The following CHN2 variants were observed in gnomAD, a reference collection of about 807,000 sequenced individuals.
CHN2 encodes the protein chimerin 2, also known as beta-chimaerin.
Under a neutral mutation model 56.3 loss-of-function variants are expected in CHN2, and 35 were observed. That is an observed-to-expected ratio of 0.62 (90% confidence interval 0.47 to 0.82). The LOEUF is 0.82. Among genes scored for constraint, CHN2 ranks in the 40% least tolerant of loss-of-function variants. CHN2 has a pLI of 0.00. For missense variants in CHN2, 491 were observed against 580.5 expected (o/e 0.85, Z 1.58); for synonymous variants, 210 against 212.8 (o/e 0.99, Z 0.12).
chr7:29,445,701 T>C (rs1049694091), intron 6 of CHN2, among the ~76,000 whole-genome samples: 2 of 152,172 alleles, frequency 1.3e-5, no homozygotes, highest in African/African-American at 4.8e-5. Context: ...GTTCTTGTTT[T>C]TTTTTCTTGT....
intron 7 of CHN2, among the ~76,000 whole-genome samples, chr7:29,493,540 C>T (rs868359728): frequency 7.2e-5 from 11 of 152,050 alleles, no homozygotes; most frequent in African/African-American, 2.4e-4. Flanking sequence ...AGCATTTAAC[C>T]CTAACCCATC....
chr7:29,306,681 G>A (rs1794196322), intron 1 of CHN2, among the ~76,000 whole-genome samples: 1 of 152,224 alleles, frequency 6.6e-6, no homozygotes, highest in African/African-American at 2.4e-5. Context: ...GATTTTTCAA[G>A]TGTATTGTTT....
chr7:29,427,108 G>A (rs1459915813), intron 6 of CHN2, among the ~76,000 whole-genome samples: 4 of 152,086 alleles, frequency 2.6e-5, no homozygotes, highest in Admixed American at 6.5e-5. Flanking sequence ...ACTTGAGGTC[G>A]GGAGTTCGAG....
intron 1 of CHN2, among the ~76,000 whole-genome samples, chr7:29,298,457 CCTT>C (rs772897607): frequency 6.6e-6 from 1 of 152,150 alleles, no homozygotes; most frequent in Non-Finnish European, 1.5e-5. Flanking sequence ...GGAACTTAGT[CCTT>C]CTCCAACAAG....
rs1239169767 is a variant in CHN2 at position 29,214,081 on chromosome 7, A to G, written c.49+19091A>G. Among the ~76,000 whole-genome samples the G allele has an allele frequency of 3.9e-5, 6 of 152,216 alleles. No individual in the cohort carries two copies. In the East Asian group the frequency reaches 5.8e-4, roughly 15 times the overall value. ...AAAGATGGTGTTTCTGGATGCTGCT[A>G]AAGCCCCCTGGTAAATAAATACTTT... On this transcript the variant is annotated intron_variant, in intron 1 of 12. Coordinates refer to ENST00000222792, the MANE Select transcript of CHN2 (RefSeq NM_004067.4).
At chr7:29,226,714 A>G (rs1044052530) in intron 1 of CHN2, among the ~76,000 whole-genome samples, 2 of 152,244 alleles carry the variant, frequency 1.3e-5, no homozygotes, top group East Asian at 3.8e-4. Flanking sequence ...TTCCTCTGGA[A>G]TTATCCTGGT....
chr7:29,244,207 C>T (rs1787897711), intron 1 of CHN2, among the ~76,000 whole-genome samples: 1 of 152,150 alleles, frequency 6.6e-6, no homozygotes, highest in Non-Finnish European at 1.5e-5. Flanking sequence ...TGGGATTTCC[C>T]CTTCTGCTTT....
At chr7:29,300,024 G>A (rs1793527346) in intron 1 of CHN2, among the ~76,000 whole-genome samples, 1 of 152,184 alleles carries the variant, frequency 6.6e-6, no homozygotes, top group Non-Finnish European at 1.5e-5. Flanking sequence ...AATTAGACTG[G>A]GAAGAAAGAT....
At chr7:29,363,877 A>T (rs1002798319) in intron 2 of CHN2, among the ~76,000 whole-genome samples, 2 of 152,086 alleles carry the variant, frequency 1.3e-5, no homozygotes, top group African/African-American at 4.8e-5. Context: ...GGCATGGGAG[A>T]TATAAACCAG....
rs377314927 is a variant in CHN2, at chr7:29,446,085, ACT to A, written c.577-34191_577-34190del. 1.1e-4 allele frequency among the ~76,000 whole-genome samples: 16 copies of A among 152,182 alleles called. No homozygotes were observed. The East Asian group carries it at 1.9e-3, about 18-fold the overall frequency. On this transcript the variant is annotated intron_variant, in intron 6 of 12. Transcript: ENST00000222792. ...ATACCCCAGACCAATTACATCAGAA[ACT>A]CTGGGTAGGGAACAGAAACAATAGT...
Position 29,501,510 on chromosome 7 carries a change from A to G in CHN2, c.913+1470A>G, listed in dbSNP as rs1789963259. Among the ~76,000 whole-genome samples, 3 of 152,232 alleles carry G rather than the reference A, an allele frequency of 2.0e-5. No homozygotes were observed. In the South Asian group the frequency reaches 6.2e-4, roughly 32 times the overall value. On this transcript the variant is annotated intron_variant, in intron 9 of 12. Transcript: ENST00000222792. The stretch of plus-strand genomic sequence containing the variant: ...GGGTCCTCCCATTGTGATCCTTACC[A>G]AAGACAACTGATAATTCAGGCATGA...
intron 9 of CHN2, among the ~76,000 whole-genome samples, chr7:29,501,724 T>C (rs1275168756): frequency 6.6e-6 from 1 of 152,092 alleles, no homozygotes; most frequent in Non-Finnish European, 1.5e-5. Context: ...CGGGAGAAAT[T>C]TGTATGACAC....
intron 1 of CHN2, among the ~76,000 whole-genome samples, chr7:29,211,473 C>G (rs1177189556): frequency 6.6e-6 from 1 of 151,686 alleles, no homozygotes; most frequent in Non-Finnish European, 1.5e-5. Context: ...CACACACACA[C>G]ACACACACAC....
intron 1 of CHN2, among the ~76,000 whole-genome samples, chr7:29,236,876 C>T (rs1787232932): frequency 6.6e-6 from 1 of 152,164 alleles, no homozygotes; most frequent in Non-Finnish European, 1.5e-5. Flanking sequence ...ACTCCTGCCT[C>T]CCTTTTATAA....
chr7:29,283,188 C>T (rs1259937122), intron 1 of CHN2, among the ~76,000 whole-genome samples: 2 of 152,176 alleles, frequency 1.3e-5, no homozygotes, highest in Admixed American at 6.5e-5. Flanking sequence ...GCTTTCCTTA[C>T]GTGCTTACCT....
Position 29,499,882 on chromosome 7 carries a change from T to C in CHN2, c.755T>C (p.Val252Ala). The change falls in exon 9 of 13, where the codon GTA becomes GCA. Residue 252 changes from valine (V) to alanine (A), a missense_variant. Transcript: ENST00000222792. ...GVRCSDCGLN[V>A]HKQCSKHVPN... ...TTGTTTACAGACTGTGGATTGAACG[T>C]ACACAAACAGTGTTCCAAGCACGTT... 1 of 1,600,840 alleles carries C rather than the reference T, an allele frequency of 6.2e-7. No individual in the cohort carries two copies. The highest frequency in any genetic ancestry group is 8.5e-7 in the Non-Finnish European group (1 of 1,175,424).
intron 3 of CHN2, among the ~76,000 whole-genome samples, chr7:29,368,661 AAAGTGCCATGCATGCCTTATC>A (rs1799369269): frequency 6.6e-6 from 1 of 152,166 alleles, no homozygotes; most frequent in Non-Finnish European, 1.5e-5. Flanking sequence ...GATAGCTTTT[AAAGTGCCATGCATGCCTTATC>A]AAGGGGGAAA....
chr7:29,493,988 C>A (rs931137800), intron 7 of CHN2, among the ~76,000 whole-genome samples: 2 of 152,230 alleles, frequency 1.3e-5, no homozygotes, highest in African/African-American at 4.8e-5. Flanking sequence ...ATCCTACCTT[C>A]AGCTTCACTC....
At chr7:29,372,534 AT>A (rs1799702193) in intron 3 of CHN2, among the ~76,000 whole-genome samples, 1 of 152,202 alleles carries the variant, frequency 6.6e-6, no homozygotes, top group African/African-American at 2.4e-5. Flanking sequence ...TTAATCATAG[AT>A]ATATCCTTAG....
Sources: gnomAD v4.1 joint callset for allele counts (sites outside exome capture counted in the v4.1 genomes callset) on GRCh38, gnomAD v4.1.1 for gene constraint, MANE v1.5 for transcripts, NCBI Gene and HGNC (gene_info 2026-07-23, HGNC 2026-07-21) for gene names.